Variants in DPH6 observed in about 807,000 individuals in gnomAD.
The protein encoded by DPH6 is diphthamine biosynthesis 6, also known as diphthine--ammonia ligase.
In DPH6, 33 loss-of-function variants were observed where a neutral mutation model predicts 38.2. The observed-to-expected ratio is 0.86, with a 90% CI of 0.65 to 1.15. The LOEUF (loss-of-function observed/expected upper bound fraction) is 1.15, where lower values mean the gene tolerates loss of function less well. DPH6 is among the 50% of genes most tolerant of loss of function. DPH6 has a pLI of 0.00. For synonymous variants in DPH6, 108 were observed against 103.0 expected (o/e 1.05, Z -0.30); for missense variants, 325 against 320.0 (o/e 1.02, Z -0.12).
At chr15:35,207,038 C>CATT in the DPH6 span, among the ~76,000 whole-genome samples, 4 of 74,068 alleles carry the variant, frequency 5.4e-5, no homozygotes, top group Non-Finnish European at 9.4e-5. Context: ...TTTAGTAAAG[C>CATT]TTTTTTTTTT....
At chr15:35,191,120 A>G in the DPH6 span, among the ~76,000 whole-genome samples, 2 of 152,220 alleles carry the variant, frequency 1.3e-5, no homozygotes, top group Admixed American at 1.3e-4. Flanking sequence ...AAGATGTACC[A>G]TCAATCATTG....
intron 3 of DPH6, among the ~76,000 whole-genome samples, chr15:35,492,520 A>G (rs2054498392): frequency 6.6e-6 from 1 of 152,204 alleles, no homozygotes; most frequent in South Asian, 2.1e-4. Flanking sequence ...TATAGTAATA[A>G]GAGTGTCTAA....
intron 2 of DPH6, among the ~76,000 whole-genome samples, chr15:35,540,887 A>T (rs2055243129): frequency 6.6e-6 from 1 of 152,094 alleles, no homozygotes; most frequent in Non-Finnish European, 1.5e-5. Flanking sequence ...TATACTATAT[A>T]AACATCTGCT....
chr15:35,409,110 T>C (rs190515670), intron 6 of DPH6, among the ~76,000 whole-genome samples: 2 of 151,934 alleles, frequency 1.3e-5, no homozygotes, highest in African/African-American at 2.4e-5. Context: ...CTCAGCCATA[T>C]AAATAGGAAA....
At chr15:35,373,100 T>C (rs576532359) in intron 8 of DPH6, among the ~76,000 whole-genome samples, 2 of 151,998 alleles carry the variant, frequency 1.3e-5, no homozygotes, top group South Asian at 4.1e-4. Context: ...TCTCTTTTCC[T>C]GGATATTTTT....
At chr15:35,277,215 T>G (rs2051865187) in intron 3 of DPH6, among the ~76,000 whole-genome samples, 1 of 152,208 alleles carries the variant, frequency 6.6e-6, no homozygotes, top group Non-Finnish European at 1.5e-5. Context: ...CTTGATTTGA[T>G]TCTCAGCTTG....
At position 35,542,574 on chromosome 15, in the gene DPH6, G is replaced by A. The variant is rs147970868; in HGVS notation, c.24-67C>T. The A allele has an allele frequency of 3.9e-4, 534 of 1,377,970 alleles. 1 individual carries two copies. The African/African-American group carries it at 6.6e-3, about 17-fold the overall frequency. 85.4% of individuals were successfully genotyped at this position (1,377,970 alleles called of 1,614,324 possible). ...ACCATTATTCAACATAAAATCACTAGATATCAAAACAGAACATATCATTTA... is the reference window on the plus strand; with the variant it reads ...ACCATTATTCAACATAAAATCACTAAATATCAAAACAGAACATATCATTTA... On this transcript the variant is annotated intron_variant, in intron 1 of 8. Transcript: ENST00000256538.
chr15:35,496,567 A>AAAAAATATAT, intron 3 of DPH6, among the ~76,000 whole-genome samples: 17 of 31,012 alleles, frequency 5.5e-4, no homozygotes, highest in African/African-American at 2.1e-3. Context: ...AAAAAAAAAA[A>AAAAAATATAT]ATATATATAT....
At chr15:35,201,887 A>G in the DPH6 span, among the ~76,000 whole-genome samples, 13 of 151,704 alleles carry the variant, frequency 8.6e-5, no homozygotes, top group Non-Finnish European at 1.5e-4. Flanking sequence ...GTTCAACGTC[A>G]CTATACATTT....
At chr15:35,294,603 T>C (rs560070144) in intron 3 of DPH6, among the ~76,000 whole-genome samples, 1 of 152,304 alleles carries the variant, frequency 6.6e-6, no homozygotes, top group East Asian at 1.9e-4. Flanking sequence ...TATTAATTCA[T>C]TAAATTTATC....
intron 3 of DPH6, among the ~76,000 whole-genome samples, chr15:35,336,170 T>C (rs1350030898): frequency 6.6e-6 from 1 of 152,180 alleles, no homozygotes; most frequent in African/African-American, 2.4e-5. Context: ...AAGATTTAGC[T>C]CTCTGCTTGC....
At chr15:35,493,314 T>C (rs1255682382) in intron 3 of DPH6, among the ~76,000 whole-genome samples, 1 of 152,218 alleles carries the variant, frequency 6.6e-6, no homozygotes, top group Non-Finnish European at 1.5e-5. Context: ...AAATCTATTA[T>C]AATTGATGGT....
intron 3 of DPH6, among the ~76,000 whole-genome samples, chr15:35,257,588 G>C (rs72708903): frequency 6.6e-6 from 1 of 152,166 alleles, no homozygotes; most frequent in Non-Finnish European, 1.5e-5. Flanking sequence ...ACTCAGATTC[G>C]AGAAATGGGG....
At chr15:35,285,129 G>A (rs551974007) in intron 3 of DPH6, among the ~76,000 whole-genome samples, 2 of 152,080 alleles carry the variant, frequency 1.3e-5, no homozygotes, top group African/African-American at 4.8e-5. Context: ...TATACATTGG[G>A]ATGCATTTGA....
intron 3 of DPH6, among the ~76,000 whole-genome samples, chr15:35,488,011 C>A (rs1360111077): frequency 6.6e-6 from 1 of 152,174 alleles, no homozygotes; most frequent in Non-Finnish European, 1.5e-5. Flanking sequence ...ATTTCTAGGG[C>A]AGGGGCAAAA....
chr15:35,302,325 T>G (rs2140806025), intron 3 of DPH6, among the ~76,000 whole-genome samples: 1 of 152,364 alleles, frequency 6.6e-6, no homozygotes. Flanking sequence ...CATTTGTTTC[T>G]TTATTGTAGT....
intron 1 of DPH6, among the ~76,000 whole-genome samples, chr15:35,543,259 A>AATATATATATATATATATAT (rs6145522): frequency 3.5e-5 from 4 of 114,140 alleles, no homozygotes; most frequent in African/African-American, 8.2e-5. Flanking sequence ...ACATACACAT[A>AATATATATATATATATATAT]ATATATATAT....
chr15:35,304,233 T>C (rs1419639240), intron 3 of DPH6, among the ~76,000 whole-genome samples: 4 of 152,126 alleles, frequency 2.6e-5, no homozygotes, highest in Non-Finnish European at 1.5e-5. Context: ...CTCAAGATCA[T>C]GTACAGATTA....
At chr15:35,179,430 AAG>A in the DPH6 span, among the ~76,000 whole-genome samples, 1 of 152,124 alleles carries the variant, frequency 6.6e-6, no homozygotes, top group African/African-American at 2.4e-5. Flanking sequence ...AATATCCAAA[AAG>A]AGTCAAATAC....
Sources: allele counts gnomAD v4.1 joint callset (sites outside exome capture counted in the v4.1 genomes callset), GRCh38; gene constraint gnomAD v4.1.1; transcripts MANE v1.5; gene names NCBI Gene and HGNC (gene_info 2026-07-23, HGNC 2026-07-21).